The following ADCY9 variants were observed in gnomAD, a reference collection of about 807,000 sequenced individuals.
ADCY9 encodes the protein adenylate cyclase type 9.
ADCY9 carries 50 observed loss-of-function variants against 101.5 expected under a neutral mutation model. The observed-to-expected ratio is 0.49, with a 90% CI of 0.39 to 0.62. ADCY9 has a LOEUF of 0.62. Among genes scored for constraint, ADCY9 ranks in the 20% least tolerant of loss-of-function variants. The pLI, the probability that ADCY9 is intolerant of heterozygous loss-of-function variation, is 0.00. For missense variants in ADCY9, 1,662 were observed against 1,800.4 expected, an observed-to-expected ratio of 0.92 and a Z score of 1.39; for synonymous variants, 905 against 769.3, an observed-to-expected ratio of 1.18 and a Z score of -2.92.
At chr16:4,097,799 G>A (rs1304678941) in intron 2 of ADCY9, among the ~76,000 whole-genome samples, 1 of 151,420 alleles carries the variant, frequency 6.6e-6, no homozygotes, top group African/African-American at 2.4e-5. Context: ...TGCCTGCCTT[G>A]GCCTCCCAAA....
intron 2 of ADCY9, among the ~76,000 whole-genome samples, chr16:4,042,410 C>T (rs993207887): frequency 6.6e-6 from 1 of 152,068 alleles, no homozygotes; most frequent in Non-Finnish European, 1.5e-5. Flanking sequence ...GCTTCTTCCC[C>T]GCCCCATTGT....
At chr16:4,108,170 C>G (rs1249179721) in intron 2 of ADCY9, among the ~76,000 whole-genome samples, 1 of 152,112 alleles carries the variant, frequency 6.6e-6, no homozygotes, top group Non-Finnish European at 1.5e-5. Context: ...TAGATATTTT[C>G]TAACAGTTTC....
At position 4,097,453 on chromosome 16, in the gene ADCY9, CATATAT is replaced by C. The variant is rs71394653; in HGVS notation, c.1693+16291_1693+16296del. Among the ~76,000 whole-genome samples, 490 of 71,048 alleles carry C rather than the reference CATATAT, an allele frequency of 6.9e-3. 7 individuals are homozygous for C. The highest frequency in any genetic ancestry group is 0.023 in the African/African-American group (435 of 18,970). The allele number at this position is 71,048 out of a possible 152,430, so 46.6% of individuals were successfully genotyped here. On this transcript the variant is annotated intron_variant, in intron 2 of 10. Coordinates refer to ENST00000294016, the MANE Select transcript of ADCY9 (RefSeq NM_001116.4). ...AACAGGGTACTCACATGTGGAGTTA[CATATAT>C]ATATATATATATATATATATATATA...
chr16:4,005,922 T>C (rs1405010891), intron 3 of ADCY9, among the ~76,000 whole-genome samples: 1 of 152,120 alleles, frequency 6.6e-6, no homozygotes, highest in African/African-American at 2.4e-5. Context: ...AGCCCCTCCC[T>C]GCCCGGGTCC....
intron 2 of ADCY9, among the ~76,000 whole-genome samples, chr16:4,010,037 A>G (rs754574877): frequency 2.6e-5 from 4 of 152,202 alleles, no homozygotes; most frequent in Non-Finnish European, 5.9e-5. Context: ...GAGGAGGGAC[A>G]TTTTTTTGAT....
Position 4,113,895 on chromosome 16 carries a change from C to A in ADCY9, c.1548G>T (p.Leu516=). 1.2e-6 allele frequency: 2 copies of A among 1,614,176 alleles called. No homozygotes were observed. Among genetic ancestry groups the A allele is most frequent in the Non-Finnish European group, 1.7e-6 (2 of 1,180,040 alleles). The change falls in exon 2 of 11, where the codon CTG becomes CTT. Residue 516 remains leucine, a synonymous_variant. Coordinates refer to ENST00000294016, the MANE Select transcript of ADCY9 (RefSeq NM_001116.4). ...KFDVWSNDVN[L]ANLMEQLGVA... ...CTCCCAGCTGCTCCATGAGATTGGC[C>A]AGGTTCACATCGTTGGACCACACGT...
Position 3,956,775 on chromosome 16 carries a change from G to A in ADCY9, c.568-3259C>T, listed in dbSNP as rs150548215. Among the ~76,000 whole-genome samples the A allele has an allele frequency of 5.3e-5, 8 of 151,804 alleles. No homozygotes were observed. In the South Asian group the frequency reaches 1.5e-3, roughly 28 times the overall value. On this transcript the variant is annotated intron_variant, in intron 5 of 5. Coordinates refer to the ADCY9 transcript ENST00000576936. The stretch of plus-strand genomic sequence containing the variant: ...CTCCCAAAGTGCTGAGACTACAGGC[G>A]TGAGCCACCGTGCCCGGCCAGCAAT...
At chr16:4,055,673 A>T (rs894458631) in intron 2 of ADCY9, among the ~76,000 whole-genome samples, 2 of 152,024 alleles carry the variant, frequency 1.3e-5, no homozygotes, top group African/African-American at 2.4e-5. Context: ...CTCTACTAAA[A>T]ATACAAAAAA....
intron 5 of ADCY9, among the ~76,000 whole-genome samples, chr16:3,954,479 C>T (rs954665221): frequency 2.0e-5 from 3 of 152,136 alleles, no homozygotes. Context: ...GCTCGCAGCT[C>T]GGGCAGCTGC....
intron 2 of ADCY9, among the ~76,000 whole-genome samples, chr16:4,011,080 G>A (rs183450271): frequency 2.0e-5 from 3 of 152,210 alleles, no homozygotes; most frequent in Admixed American, 1.3e-4. Context: ...AGATGGAGAC[G>A]GACGGATCAG....
chr16:4,031,383 A>G (rs191599464), intron 2 of ADCY9, among the ~76,000 whole-genome samples: 14 of 152,318 alleles, frequency 9.2e-5, no homozygotes, highest in African/African-American at 3.1e-4. Flanking sequence ...GCACATACAT[A>G]TGTGTGTACT....
chr16:3,999,336 A>G (rs1197431784), intron 3 of ADCY9, among the ~76,000 whole-genome samples: 3 of 152,168 alleles, frequency 2.0e-5, no homozygotes, highest in Non-Finnish European at 2.9e-5. Context: ...CATCCACGCA[A>G]TATCTGCAGT....
At chr16:3,986,225 G>A (rs1881330746) in intron 6 of ADCY9, among the ~76,000 whole-genome samples, 2 of 152,216 alleles carry the variant, frequency 1.3e-5, no homozygotes, top group African/African-American at 4.8e-5. Context: ...CTTGTGGGCG[G>A]TGGGATGCTC....
intron 2 of ADCY9, among the ~76,000 whole-genome samples, chr16:4,011,310 C>G (rs1156589022): frequency 6.6e-6 from 1 of 152,252 alleles, no homozygotes; most frequent in East Asian, 1.9e-4. Context: ...AGGGCTGAGC[C>G]ACAGCACCTG....
chr16:4,057,100 T>TA (rs1186607062), intron 2 of ADCY9, among the ~76,000 whole-genome samples: 7 of 139,796 alleles, frequency 5.0e-5, no homozygotes, highest in Admixed American at 1.5e-4. Context: ...GGTTTTGGCA[T>TA]AAAAAAAACA....
intron 2 of ADCY9, among the ~76,000 whole-genome samples, chr16:4,098,769 GAGAGCAAGGCTCCT>G (rs1429913402): frequency 6.6e-6 from 1 of 152,162 alleles, no homozygotes; most frequent in Non-Finnish European, 1.5e-5. Flanking sequence ...AGGCACTGTT[GAGAGCAAGGCTCCT>G]ACTAAGGGAT....
chr16:4,008,930 C>A (rs535623852), intron 2 of ADCY9, among the ~76,000 whole-genome samples: 4 of 152,108 alleles, frequency 2.6e-5, no homozygotes, highest in Non-Finnish European at 5.9e-5. Context: ...CGAGAGGCGA[C>A]GTGTCTACAA....
At chr16:3,984,343 C>T (rs544287991) in intron 6 of ADCY9, among the ~76,000 whole-genome samples, 17 of 152,268 alleles carry the variant, frequency 1.1e-4, no homozygotes, top group African/African-American at 3.9e-4. Flanking sequence ...CGCCTGGGAA[C>T]CTACGGGGCC....
intron 6 of ADCY9, among the ~76,000 whole-genome samples, chr16:3,986,551 G>C (rs2056194976): frequency 6.6e-6 from 1 of 152,082 alleles, no homozygotes; most frequent in African/African-American, 2.4e-5. Flanking sequence ...TCCGCCTCCC[G>C]GGTTCAGGCG....
Sources: gnomAD v4.1 joint callset for allele counts (sites outside exome capture counted in the v4.1 genomes callset) on GRCh38, gnomAD v4.1.1 for gene constraint, MANE v1.5 for transcripts, NCBI Gene and HGNC (gene_info 2026-07-23, HGNC 2026-07-21) for gene names.